Variants in SNX30 observed in about 807,000 individuals in gnomAD.
SNX30 encodes the protein sorting nexin-30.
SNX30 carries 24 observed loss-of-function variants against 46.4 expected under a neutral mutation model. The observed-to-expected ratio is 0.52, with a 90% confidence interval of 0.37 to 0.73. SNX30 has a LOEUF of 0.73. Ranked by LOEUF, SNX30 falls within the 30% of genes least tolerant of loss-of-function variation. The pLI, the probability that SNX30 is intolerant of heterozygous loss-of-function variation, is 0.00. For synonymous variants in SNX30, 189 were observed against 211.5 expected (o/e 0.89, Z 0.92); for missense variants, 533 against 555.7 (o/e 0.96, Z 0.41).
intron 7 of SNX30, among the ~76,000 whole-genome samples, chr9:112,851,639 A>G (rs557299969): frequency 6.6e-6 from 1 of 152,326 alleles, no homozygotes; most frequent in South Asian, 2.1e-4. Context: ...GGACAAAGGA[A>G]TTGTAATGGA....
At chr9:112,762,590 G>A (rs1049214676) in intron 1 of SNX30, among the ~76,000 whole-genome samples, 2 of 151,944 alleles carry the variant, frequency 1.3e-5, no homozygotes, top group Admixed American at 1.3e-4. Context: ...TCTAAAATTG[G>A]GATTATCTTA....
intron 4 of SNX30, among the ~76,000 whole-genome samples, chr9:112,831,745 G>A (rs1462519662): frequency 3.9e-5 from 6 of 152,206 alleles, no homozygotes; most frequent in Middle Eastern, 3.2e-3. Flanking sequence ...CAGATTCTGT[G>A]TATTCAAACT....
Position 112,869,153 on chromosome 9 carries a change from T to TCAA in SNX30, c.*310_*311insCAA, listed in dbSNP as rs1488608424. On this transcript the variant is annotated 3_prime_UTR_variant, in exon 9 of 9. Coordinates refer to ENST00000374232, the MANE Select transcript of SNX30 (RefSeq NM_001012994.2). ...ACAAGACAACCTGCAGCTGACGCTCTGACATTTCATGACAGTTTCCTCTTT... is the reference window on the plus strand; with the variant it reads ...ACAAGACAACCTGCAGCTGACGCTCTCAAGACATTTCATGACAGTTTCCTCTTT... 387 of 306,854 alleles carry TCAA rather than the reference T, an allele frequency of 1.3e-3. 5 individuals are homozygous for TCAA. The highest frequency in any genetic ancestry group is 7.7e-3 in the African/African-American group (365 of 47,678). 19.0% of individuals were successfully genotyped at this position (306,854 alleles called of 1,614,324 possible).
At chr9:112,865,004 C>CA (rs869098036) in intron 8 of SNX30, among the ~76,000 whole-genome samples, 22 of 83,578 alleles carry the variant, frequency 2.6e-4, no homozygotes, top group South Asian at 6.1e-4. Flanking sequence ...CACACACACA[C>CA]CCACACACCC....
chr9:112,819,270 T>TC (rs1840454493), intron 3 of SNX30, among the ~76,000 whole-genome samples: 1 of 144,348 alleles, frequency 6.9e-6, no homozygotes. Flanking sequence ...TTCTTTCTTT[T>TC]TTTTTTTTTT....
intron 7 of SNX30, among the ~76,000 whole-genome samples, chr9:112,853,299 T>TC (rs1841063519): frequency 6.6e-6 from 1 of 152,166 alleles, no homozygotes; most frequent in Non-Finnish European, 1.5e-5. Context: ...CTGTCAGCCT[T>TC]TTTCCATCCT....
chr9:112,763,846 T>TAAAAAAAA (rs60051703), intron 1 of SNX30, among the ~76,000 whole-genome samples: 1 of 123,582 alleles, frequency 8.1e-6, no homozygotes. Context: ...AGACTCTGAC[T>TAAAAAAAA]AAAAAAAAAA....
At chr9:112,787,622 G>T (rs984764605) in intron 1 of SNX30, among the ~76,000 whole-genome samples, 3 of 151,616 alleles carry the variant, frequency 2.0e-5, no homozygotes, top group African/African-American at 7.3e-5. Context: ...ATAATTATAG[G>T]TTCTCTCCTA....
chr9:112,771,864 T>C (rs1839655065), intron 1 of SNX30, among the ~76,000 whole-genome samples: 1 of 152,220 alleles, frequency 6.6e-6, no homozygotes, highest in African/African-American at 2.4e-5. Context: ...TTCAAATCTG[T>C]TCAGGTCAAA....
At chr9:112,883,863 A>G (rs1841613441), downstream of SNX30, among the ~76,000 whole-genome samples, 1 of 151,912 alleles carries the variant, frequency 6.6e-6, no homozygotes. Context: ...AAGCCCGGCT[A>G]ATTTTTGTAT....
intron 1 of SNX30, among the ~76,000 whole-genome samples, chr9:112,782,534 C>A (rs891773981): frequency 6.6e-6 from 1 of 152,184 alleles, no homozygotes; most frequent in Non-Finnish European, 1.5e-5. Context: ...ATGTAGTACT[C>A]ATTTTTTTAA....
At chr9:112,763,810 C>G (rs1419222140) in intron 1 of SNX30, among the ~76,000 whole-genome samples, 1 of 149,310 alleles carries the variant, frequency 6.7e-6, no homozygotes, top group African/African-American at 2.5e-5. Context: ...GATTGTGCCA[C>G]TGCACTCCAG....
intron 6 of SNX30, 57 bp from the exon 7 acceptor site, chr9:112,850,802 G>A: frequency 7.5e-7 from 1 of 1,335,732 alleles, no homozygotes; most frequent in Non-Finnish European, 1.1e-6. Flanking sequence ...TTGCCTGGGG[G>A]TGGGAGGCCC....
Position 112,753,542 on chromosome 9 carries a change from C to A in SNX30, c.156+2385C>A, listed in dbSNP as rs140337071. Among the ~76,000 whole-genome samples the A allele has an allele frequency of 3.6e-3, 544 of 152,250 alleles. 3 individuals are homozygous for A. The highest frequency in any genetic ancestry group is 9.5e-3 in the Admixed American group (145 of 15,290). Reference sequence around the variant, plus strand: ...TGATTACAGGCGTGTGCTACCTTGACCAGGTAATTTGTGTATTTTTAGTAG... The same window carrying A: ...TGATTACAGGCGTGTGCTACCTTGAACAGGTAATTTGTGTATTTTTAGTAG... On this transcript the variant is annotated intron_variant, in intron 1 of 8. Coordinates refer to ENST00000374232, the MANE Select transcript of SNX30 (RefSeq NM_001012994.2).
chr9:112,784,136 G>A (rs149817675), intron 1 of SNX30, among the ~76,000 whole-genome samples: 76 of 152,178 alleles, frequency 5.0e-4, no homozygotes, highest in African/African-American at 1.8e-3. Flanking sequence ...ATTCATCAGG[G>A]TATCCCAGGC....
At chr9:112,764,186 A>G (rs976609131) in intron 1 of SNX30, among the ~76,000 whole-genome samples, 8 of 152,210 alleles carry the variant, frequency 5.3e-5, no homozygotes, top group Admixed American at 1.3e-4. Context: ...AAATGGACAG[A>G]AGGAAGAGCA....
downstream of SNX30, among the ~76,000 whole-genome samples, chr9:112,884,721 G>C (rs111290121): frequency 6.6e-6 from 1 of 152,168 alleles, no homozygotes; most frequent in African/African-American, 2.4e-5. Context: ...CTGCATAAGC[G>C]CTCAATCAGT....
chr9:112,845,333 A>G (rs1022501858), intron 6 of SNX30, among the ~76,000 whole-genome samples: 1 of 152,226 alleles, frequency 6.6e-6, no homozygotes, highest in South Asian at 2.1e-4. Flanking sequence ...AAAACTGAGA[A>G]GCCACCTGGT....
chr9:112,811,639 G>C (rs1166741645), intron 2 of SNX30, among the ~76,000 whole-genome samples: 2 of 152,180 alleles, frequency 1.3e-5, no homozygotes, highest in African/African-American at 2.4e-5. Flanking sequence ...TTCTAGCATA[G>C]CAAAAATGAG....
Sources: gnomAD v4.1 joint callset for allele counts (sites outside exome capture counted in the v4.1 genomes callset) on GRCh38, gnomAD v4.1.1 for gene constraint, MANE v1.5 for transcripts, NCBI Gene and HGNC (gene_info 2026-07-23, HGNC 2026-07-21) for gene names.